PTPRN2: variants seen among roughly 807,000 people sequenced by gnomAD.
The protein encoded by PTPRN2 is protein tyrosine phosphatase receptor type N2, also known as receptor-type tyrosine-protein phosphatase N2.
In PTPRN2, 74 loss-of-function variants were observed where a neutral mutation model predicts 118.8. The observed-to-expected ratio is 0.62, with a 90% CI of 0.52 to 0.76. The LOEUF (loss-of-function observed/expected upper bound fraction) is 0.76. Among genes scored for constraint, PTPRN2 ranks in the 30% least tolerant of loss-of-function variants. PTPRN2 has a pLI of 0.00. For synonymous variants in PTPRN2, 641 were observed against 608.0 expected (o/e 1.05, Z -0.80); for missense variants, 1,481 against 1,394.4 (o/e 1.06, Z -0.99).
chr7:158,483,754 GC>G (rs79436124), intron 2 of PTPRN2, among the ~76,000 whole-genome samples: 29,301 of 152,166 alleles, frequency 0.19, 3,302 homozygotes, highest in East Asian at 0.41. Context: ...TTACCTCCTT[GC>G]CTAACTGTAT....
chr7:158,316,963 G>A lies in PTPRN2; in HGVS notation c.164-31C>T, dbSNP rs372460148. Reference sequence around the variant, plus strand: ...AGAAGGGAAGGAGATAAGACAGAACGAGACGTTTCATTTTCAGAGAGCAGG... The same window carrying A: ...AGAAGGGAAGGAGATAAGACAGAACAAGACGTTTCATTTTCAGAGAGCAGG... On this transcript the variant is annotated intron_variant, in intron 2 of 22. Coordinates refer to ENST00000389418, the MANE Select transcript of PTPRN2 (RefSeq NM_002847.5). 20 of 1,524,004 alleles carry A rather than the reference G, an allele frequency of 1.3e-5. No homozygotes were observed. The African/African-American group carries it at 1.8e-4, about 14-fold the overall frequency. The allele number at this position is 1,524,004 out of a possible 1,614,324, so 94.4% of individuals were successfully genotyped here.
chr7:158,110,679 A>T, intron 10 of PTPRN2, 150 bp downstream of exon 10: 1 of 727,824 alleles, frequency 1.4e-6, no homozygotes, highest in Non-Finnish European at 2.3e-6. Context: ...TAAATAACTT[A>T]CCAAAGCTGC....
At chr7:157,781,113 G>A (rs1803653854) in intron 12 of PTPRN2, among the ~76,000 whole-genome samples, 1 of 152,228 alleles carries the variant, frequency 6.6e-6, no homozygotes, top group South Asian at 2.1e-4. Context: ...TCGCCTGGCT[G>A]TGGTAGTGCT....
intron 3 of PTPRN2, among the ~76,000 whole-genome samples, chr7:158,295,682 C>T (rs934062211): frequency 1.3e-5 from 2 of 151,072 alleles, no homozygotes; most frequent in Admixed American, 6.6e-5. Flanking sequence ...CCAGACACTG[C>T]ACCACATCGT....
intron 16 of PTPRN2, among the ~76,000 whole-genome samples, chr7:157,597,834 G>C (rs971632863): frequency 2.0e-5 from 3 of 152,228 alleles, no homozygotes; most frequent in African/African-American, 7.2e-5. Context: ...CCACTGGGAA[G>C]GCGGGAACAG....
At position 157,929,707 on chromosome 7, in the gene PTPRN2, G is replaced by A. The variant is rs1392544952; in HGVS notation, c.1724-30970C>T. Among the ~76,000 whole-genome samples, 5 of 101,478 alleles carry A rather than the reference G, an allele frequency of 4.9e-5. No individual in the cohort carries two copies. The highest frequency in any genetic ancestry group is 1.6e-4 in the African/African-American group (3 of 18,968). The allele number at this position is 101,478 out of a possible 152,430, so 66.6% of individuals were successfully genotyped here. ...TGTAAGACTTCCCTGTCCCTCGGGT[G>A]GGGGCGGCATCCTCACAGGGGTGAG... On this transcript the variant is annotated intron_variant, in intron 11 of 22. Coordinates refer to ENST00000389418, the MANE Select transcript of PTPRN2 (RefSeq NM_002847.5). The surrounding 1 kb of genome is among the most constrained non-coding windows in gnomAD (Gnocchi z 4.4).
rs552724068 is a variant in PTPRN2 at position 158,377,534 on chromosome 7, G to A, written c.164-60602C>T. On this transcript the variant is annotated intron_variant, in intron 2 of 22. Transcript: ENST00000389418. ...AGGCTGGGGAGGAAACCCCAGCAAT[G>A]CAGAGTGCTAGGGAGGAGGCAGGCA... 4.6e-5 allele frequency among the ~76,000 whole-genome samples: 7 copies of A among 152,324 alleles called. No individual in the cohort carries two copies. In the South Asian group the frequency reaches 1.2e-3, roughly 27 times the overall value.
At chr7:158,171,419 G>C (rs1823697304) in intron 5 of PTPRN2, among the ~76,000 whole-genome samples, 1 of 145,350 alleles carries the variant, frequency 6.9e-6, no homozygotes, top group South Asian at 2.2e-4. Context: ...CGTGATCTTG[G>C]CTCACTGCAA....
At chr7:157,847,038 G>A (rs1404261791) in intron 12 of PTPRN2, among the ~76,000 whole-genome samples, 4 of 148,738 alleles carry the variant, frequency 2.7e-5, no homozygotes, top group South Asian at 2.1e-4. Flanking sequence ...ATGTGTGGCC[G>A]ATGTTTACAG....
At chr7:158,020,607 C>T (rs35313662) in intron 11 of PTPRN2, among the ~76,000 whole-genome samples, 22,052 of 152,170 alleles carry the variant, frequency 0.14, 1,903 homozygotes, top group Middle Eastern at 0.27. Context: ...GGGGCTGGGG[C>T]AGCCTTGCCC....
intron 2 of PTPRN2, among the ~76,000 whole-genome samples, chr7:158,476,806 C>G (rs1485902530): frequency 2.0e-5 from 3 of 152,254 alleles, no homozygotes; most frequent in Non-Finnish European, 4.4e-5. Context: ...CCCGCTTCTC[C>G]TTCCTCCCAG....
At chr7:158,481,244 G>T (rs1820620353) in intron 2 of PTPRN2, among the ~76,000 whole-genome samples, 1 of 152,230 alleles carries the variant, frequency 6.6e-6, no homozygotes, top group East Asian at 1.9e-4. Flanking sequence ...CTGGATGACA[G>T]CACATCTGTT....
intron 12 of PTPRN2, among the ~76,000 whole-genome samples, chr7:157,775,344 C>A (rs1171757110): frequency 6.6e-6 from 1 of 152,240 alleles, no homozygotes. Context: ...GGCTACCTCA[C>A]CTCACCCTGC....
chr7:157,700,634 C>T (rs1003928087), intron 12 of PTPRN2, among the ~76,000 whole-genome samples: 1 of 152,204 alleles, frequency 6.6e-6, no homozygotes, highest in Non-Finnish European at 1.5e-5. Context: ...CAGCCTCGGC[C>T]ATCTCTACCT....
At chr7:157,736,514 C>A (rs1166042334) in intron 12 of PTPRN2, among the ~76,000 whole-genome samples, 1 of 152,216 alleles carries the variant, frequency 6.6e-6, no homozygotes, top group East Asian at 1.9e-4. Context: ...TGTCCACAAG[C>A]CCGGGAGAGA....
rs539375537 is a variant in PTPRN2, at chr7:158,361,558, A to G, written c.164-44626T>C. 4.6e-5 allele frequency among the ~76,000 whole-genome samples: 7 copies of G among 152,304 alleles called. No homozygotes were observed. In the South Asian group the frequency reaches 1.0e-3, roughly 23 times the overall value. On this transcript the variant is annotated intron_variant, in intron 2 of 22. Transcript: ENST00000389418. ...AGTTCCACTGAAGCCCTGGGCTCCAATATTCAGACCTGAGACCCAAACAGC... is the reference window on the plus strand; with the variant it reads ...AGTTCCACTGAAGCCCTGGGCTCCAGTATTCAGACCTGAGACCCAAACAGC...
intron 3 of PTPRN2, among the ~76,000 whole-genome samples, chr7:158,293,923 C>T (rs981215474): frequency 6.6e-5 from 10 of 152,290 alleles, no homozygotes; most frequent in South Asian, 4.2e-4. Context: ...TGCCTTCTGC[C>T]GGCATATCTC....
At chr7:158,037,102 A>G (rs146233405) in intron 11 of PTPRN2, among the ~76,000 whole-genome samples, 14 of 152,382 alleles carry the variant, frequency 9.2e-5, no homozygotes, top group African/African-American at 2.4e-4. Context: ...ATTATATAAT[A>G]TCTTGAAATA....
chr7:158,189,801 G>A (rs1348367864), intron 5 of PTPRN2, among the ~76,000 whole-genome samples: 1 of 152,244 alleles, frequency 6.6e-6, no homozygotes. Context: ...AGTGGAGGCA[G>A]AGCACAGGGC....
Sources: allele counts gnomAD v4.1 joint callset (sites outside exome capture counted in the v4.1 genomes callset), GRCh38; gene constraint gnomAD v4.1.1; non-coding constraint Gnocchi (gnomAD v3.1); transcripts MANE v1.5; gene names NCBI Gene and HGNC (gene_info 2026-07-23, HGNC 2026-07-21).